Variants in CSMD1 observed in about 807,000 individuals in gnomAD.
The protein encoded by CSMD1 is CUB and sushi domain-containing protein 1.
A neutral mutation model predicts 417.5 loss-of-function variants in CSMD1; 213 were observed. The observed-to-expected ratio is 0.51, with a 90% CI of 0.46 to 0.57. The LOEUF (loss-of-function observed/expected upper bound fraction) is 0.57. CSMD1 is among the 20% of genes least tolerant of loss of function. The pLI is 0.00. For synonymous variants in CSMD1, 2,862 were observed against 1,736.8 expected, an observed-to-expected ratio of 1.65 and a Z score of -16.11; for missense variants, 6,923 against 4,529.7, an observed-to-expected ratio of 1.53 and a Z score of -15.17.
intron 6 of CSMD1, among the ~76,000 whole-genome samples, chr8:3,714,698 C>G (rs1801728842): frequency 6.6e-6 from 1 of 152,050 alleles, no homozygotes; most frequent in South Asian, 2.1e-4. Context: ...AACGGTGCCA[C>G]TGTACTCCAG....
chr8:4,292,154 G>C (rs935506200), intron 3 of CSMD1, among the ~76,000 whole-genome samples: 2 of 152,058 alleles, frequency 1.3e-5, no homozygotes, highest in African/African-American at 4.8e-5. Flanking sequence ...AAATGACCCA[G>C]GTGAGCCCGG....
rs914380839 is a variant in CSMD1 at position 3,582,339 on chromosome 8, G to A, written c.1222+3797C>T. 2.6e-5 allele frequency among the ~76,000 whole-genome samples: 4 copies of A among 152,016 alleles called. No individual in the cohort carries two copies. In the East Asian group the frequency reaches 5.8e-4, roughly 22 times the overall value. ...TTCTCTAATGGATGAATCCATTATC[G>A]GAAGCAAATTGAGACGCTACTTAAA... On this transcript the variant is annotated intron_variant, in intron 9 of 69. Coordinates refer to ENST00000635120, the MANE Select transcript of CSMD1 (RefSeq NM_033225.6).
chr8:3,998,202 A>G, intron 4 of CSMD1, 92 bp from the exon 5 acceptor site: 1 of 1,181,444 alleles, frequency 8.5e-7, no homozygotes, highest in South Asian at 1.6e-5. Context: ...GATCAGCGAC[A>G]AATATTTTCT....
At chr8:3,979,232 C>T (rs1290364583) in intron 5 of CSMD1, among the ~76,000 whole-genome samples, 1 of 152,122 alleles carries the variant, frequency 6.6e-6, no homozygotes, top group South Asian at 2.1e-4. Context: ...AAGTTTTAGG[C>T]CAGGAAATTT....
intron 3 of CSMD1, among the ~76,000 whole-genome samples, chr8:4,248,400 T>C (rs74925927): frequency 1.3e-5 from 2 of 152,186 alleles, no homozygotes; most frequent in Non-Finnish European, 2.9e-5. Flanking sequence ...GAAACTATCA[T>C]GGCGCTTATA....
intron 2 of CSMD1, among the ~76,000 whole-genome samples, chr8:4,532,335 T>A (rs1424490755): frequency 1.4e-5 from 2 of 147,280 alleles, no homozygotes; most frequent in Admixed American, 1.4e-4. Context: ...CTCCATTCAG[T>A]CACTCTGAAA....
chr8:4,942,748 G>A (rs917912218), intron 1 of CSMD1, among the ~76,000 whole-genome samples: 1 of 152,152 alleles, frequency 6.6e-6, no homozygotes, highest in Non-Finnish European at 1.5e-5. Context: ...CATCAACACA[G>A]ACAGGGAGAA....
intron 2 of CSMD1, among the ~76,000 whole-genome samples, chr8:4,507,700 C>G (rs142562962): frequency 6.6e-6 from 1 of 152,174 alleles, no homozygotes; most frequent in African/African-American, 2.4e-5. Context: ...ACTCACCAGG[C>G]TGAAGAGAAA....
intron 1 of CSMD1, among the ~76,000 whole-genome samples, chr8:4,729,943 T>G (rs1042981731): frequency 6.6e-6 from 1 of 152,212 alleles, no homozygotes; most frequent in African/African-American, 2.4e-5. Flanking sequence ...GAATGACTTG[T>G]GCGCACACAC....
At chr8:4,773,357 T>A (rs532901924) in intron 1 of CSMD1, among the ~76,000 whole-genome samples, 1 of 152,130 alleles carries the variant, frequency 6.6e-6, no homozygotes, top group East Asian at 1.9e-4. Flanking sequence ...GCTTTTTGTT[T>A]CAGGAAAGCA....
At chr8:3,622,956 T>C (rs1457539318) in intron 7 of CSMD1, among the ~76,000 whole-genome samples, 1 of 152,228 alleles carries the variant, frequency 6.6e-6, no homozygotes, top group Non-Finnish European at 1.5e-5. Flanking sequence ...CTAATTTTGT[T>C]GAATTATATC....
At chr8:3,465,867 G>C (rs113816808) in intron 12 of CSMD1, among the ~76,000 whole-genome samples, 2,270 of 152,246 alleles carry the variant, frequency 0.015, 58 homozygotes, top group African/African-American at 0.051. Flanking sequence ...CTCCAGGTAT[G>C]AGAGGGCACA....
rs141765246 is a variant in CSMD1, at chr8:4,511,124, A to G, written c.303-91059T>C. On this transcript the variant is annotated intron_variant, in intron 2 of 69. Coordinates refer to ENST00000635120, the MANE Select transcript of CSMD1 (RefSeq NM_033225.6). ...TTCCAGATGTGAACAGAATACCAAC[A>G]TAAAATTGAACAAGTTCCCAAGAGT... is the stretch of plus-strand genomic sequence containing the variant. Among the ~76,000 whole-genome samples, 1,178 of 152,250 alleles carry G rather than the reference A, an allele frequency of 7.7e-3. 11 individuals carry two copies. Among genetic ancestry groups the G allele is most frequent in the South Asian group, 0.039 (190 of 4,826 alleles).
intron 1 of CSMD1, among the ~76,000 whole-genome samples, chr8:4,752,692 C>G (rs755689760): frequency 6.6e-6 from 1 of 152,138 alleles, no homozygotes; most frequent in Non-Finnish European, 1.5e-5. Flanking sequence ...TGGGATTGCT[C>G]TACACAGGGG....
chr8:4,337,680 C>G (rs529613366), intron 3 of CSMD1, among the ~76,000 whole-genome samples: 1 of 152,086 alleles, frequency 6.6e-6, no homozygotes, highest in Non-Finnish European at 1.5e-5. Context: ...ACAATTTTTT[C>G]TTTAAGCATG....
intron 3 of CSMD1, among the ~76,000 whole-genome samples, chr8:4,332,252 T>C (rs118037596): frequency 0.091 from 13,880 of 152,048 alleles, 834 homozygotes; most frequent in Admixed American, 0.14. Flanking sequence ...TGCCACCACA[T>C]CTTAATGCCA....
Position 3,007,420 on chromosome 8 carries a change from G to T in CSMD1, c.8030-7289C>A, listed in dbSNP as rs1808024585. The stretch of plus-strand genomic sequence containing the variant: ...ATTTGACCCAGCCATCCCATTACTG[G>T]GTATATACCCAAAGGACTATAAATC... On this transcript the variant is annotated intron_variant, in intron 52 of 69. Transcript: ENST00000635120. Among the ~76,000 whole-genome samples, 3 of 151,280 alleles carry T rather than the reference G, an allele frequency of 2.0e-5. No individual in the cohort carries two copies. In the South Asian group the frequency reaches 6.3e-4, roughly 32 times the overall value.
At chr8:4,280,542 G>C (rs1006643944) in intron 3 of CSMD1, among the ~76,000 whole-genome samples, 2 of 152,126 alleles carry the variant, frequency 1.3e-5, no homozygotes, top group African/African-American at 2.4e-5. Context: ...GCCCACATTT[G>C]CATATCAACA....
intron 3 of CSMD1, among the ~76,000 whole-genome samples, chr8:4,222,337 G>A (rs149948649): frequency 6.6e-6 from 1 of 151,232 alleles, no homozygotes; most frequent in Non-Finnish European, 1.5e-5. Context: ...GTAGGTATCA[G>A]TGTTTTGCCT....
Sources: gnomAD v4.1 joint callset for allele counts (sites outside exome capture counted in the v4.1 genomes callset) on GRCh38, gnomAD v4.1.1 for gene constraint, MANE v1.5 for transcripts, NCBI Gene and HGNC (gene_info 2026-07-23, HGNC 2026-07-21) for gene names.